The following FTCDNL1 variants were observed in gnomAD, a reference collection of about 807,000 sequenced individuals.
FTCDNL1 encodes formiminotransferase N-terminal subdomain-containing protein.
A neutral mutation model predicts 5.9 loss-of-function variants in FTCDNL1; 11 were observed. The observed-to-expected ratio is 1.87, with a 90% CI of 1.18 to 3.10. The LOEUF (loss-of-function observed/expected upper bound fraction) is 3.10, where lower values mean the gene tolerates loss of function less well. FTCDNL1 is among the 30% of genes most tolerant of loss of function. The pLI is 0.00. For synonymous variants in FTCDNL1, 58 were observed against 24.8 expected, an observed-to-expected ratio of 2.34 and a Z score of -3.99; for missense variants, 115 against 65.5, an observed-to-expected ratio of 1.76 and a Z score of -2.61.
At chr2:199,668,051 G>A in the FTCDNL1 span, among the ~76,000 whole-genome samples, 2 of 152,302 alleles carry the variant, frequency 1.3e-5, no homozygotes, top group East Asian at 3.9e-4. Flanking sequence ...CTTGCTGACA[G>A]CATTAATGAA....
chr2:199,750,722 C>T, the FTCDNL1 span, among the ~76,000 whole-genome samples: 2 of 152,314 alleles, frequency 1.3e-5, no homozygotes, highest in Non-Finnish European at 1.5e-5. Flanking sequence ...TTCCACCGGG[C>T]GGACTCTGTC....
intron 3 of FTCDNL1, among the ~76,000 whole-genome samples, chr2:199,822,753 T>C (rs1424415754): frequency 2.6e-5 from 4 of 152,232 alleles, no homozygotes; most frequent in Admixed American, 2.0e-4. Context: ...ATTTCAACAG[T>C]GTCCACAGCA....
intron 3 of FTCDNL1, among the ~76,000 whole-genome samples, chr2:199,771,439 A>G (rs908209988): frequency 1.7e-4 from 26 of 152,336 alleles, no homozygotes; most frequent in South Asian, 4.1e-4. Context: ...TGCTGATTTA[A>G]ATTAATTTTG....
chr2:199,831,363 G>T (rs1702359925), intron 3 of FTCDNL1, among the ~76,000 whole-genome samples: 1 of 152,040 alleles, frequency 6.6e-6, no homozygotes, highest in Admixed American at 6.6e-5. Flanking sequence ...GCACAAGAGG[G>T]ACTATTCAAG....
At chr2:199,721,499 C>T in the FTCDNL1 span, among the ~76,000 whole-genome samples, 8 of 152,134 alleles carry the variant, frequency 5.3e-5, no homozygotes. Context: ...AGTATACGTG[C>T]CACATTTTCT....
At chr2:199,793,735 A>G (rs952146061) in intron 3 of FTCDNL1, among the ~76,000 whole-genome samples, 7 of 152,218 alleles carry the variant, frequency 4.6e-5, no homozygotes, top group Non-Finnish European at 1.0e-4. Flanking sequence ...CGGCATTGAC[A>G]TCAAGAACTC....
At chr2:199,849,579 G>A (rs2076821550) in intron 1 of FTCDNL1, among the ~76,000 whole-genome samples, 1 of 152,082 alleles carries the variant, frequency 6.6e-6, no homozygotes, top group Non-Finnish European at 1.5e-5. Flanking sequence ...ACAAAATTCT[G>A]TAACTTGAAA....
intron 4 of FTCDNL1, chr2:199,819,225 C>T: frequency 2.7e-5 from 7 of 263,510 alleles, no homozygotes; most frequent in Non-Finnish European, 5.2e-5. Flanking sequence ...CTCCATCACA[C>T]CCTAGGACAC....
intron 1 of FTCDNL1, among the ~76,000 whole-genome samples, 170 bp from the exon 2 acceptor site, chr2:199,849,139 A>G (rs1559256541): frequency 6.6e-6 from 1 of 152,268 alleles, no homozygotes; most frequent in Non-Finnish European, 1.5e-5. Context: ...TGACTAAAAT[A>G]AGAAACCATG....
the FTCDNL1 span, among the ~76,000 whole-genome samples, chr2:199,705,652 C>T: frequency 6.6e-6 from 1 of 152,176 alleles, no homozygotes; most frequent in Admixed American, 6.6e-5. Flanking sequence ...TACTTACTGC[C>T]TTGTTTCCTA....
Position 199,851,148 on chromosome 2 carries a change from T to TCCG in FTCDNL1, c.-419_-417dup, listed in dbSNP as rs1302874085. The TCCG allele has an allele frequency of 7.3e-6, 1 of 137,448 alleles. No homozygotes were observed. Among genetic ancestry groups the TCCG allele is most frequent in the Admixed American group, 7.0e-5 (1 of 14,382 alleles). 8.5% of individuals were successfully genotyped at this position (137,448 alleles called of 1,614,324 possible). A position where few individuals can be genotyped will look rare whatever the true frequency, so the allele number is the denominator to read the frequency against. On this transcript the variant is annotated 5_prime_UTR_variant, in exon 1 of 5. Coordinates refer to ENST00000420128, the MANE Select transcript of FTCDNL1 (RefSeq NM_001363886.2). ...CGCCGCGCGTGGCCCGCGCGCAGCC[T>TCCG]CCGCCGCCGCGCGTGGCCCGCGCGC...
intron 3 of FTCDNL1, among the ~76,000 whole-genome samples, chr2:199,822,129 G>T (rs1254987500): frequency 6.6e-6 from 1 of 152,152 alleles, no homozygotes; most frequent in Non-Finnish European, 1.5e-5. Flanking sequence ...TTGGCCAGGT[G>T]CAGTGCCTCA....
the FTCDNL1 span, among the ~76,000 whole-genome samples, chr2:199,669,504 C>A: frequency 6.6e-6 from 1 of 152,114 alleles, no homozygotes; most frequent in Non-Finnish European, 1.5e-5. Flanking sequence ...TAAGTCCTTG[C>A]TAATTATTTT....
At chr2:199,824,962 A>C (rs2106541126) in intron 3 of FTCDNL1, among the ~76,000 whole-genome samples, 1 of 151,974 alleles carries the variant, frequency 6.6e-6, no homozygotes, top group South Asian at 2.1e-4. Context: ...TCATGGTGAA[A>C]CCCCGTCTTT....
intron 3 of FTCDNL1, among the ~76,000 whole-genome samples, chr2:199,784,117 C>T (rs1275040467): frequency 6.6e-6 from 1 of 152,150 alleles, no homozygotes; most frequent in Non-Finnish European, 1.5e-5. Context: ...ACCTGAACCT[C>T]AGCTTTTTCT....
At chr2:199,705,380 T>C in the FTCDNL1 span, among the ~76,000 whole-genome samples, 1 of 152,196 alleles carries the variant, frequency 6.6e-6, no homozygotes. Flanking sequence ...TTTATCCTAT[T>C]GTAAATTATA....
chr2:199,794,356 G>A (rs1171389268), intron 3 of FTCDNL1, among the ~76,000 whole-genome samples: 1 of 152,156 alleles, frequency 6.6e-6, no homozygotes, highest in African/African-American at 2.4e-5. Flanking sequence ...CTCACTTGAA[G>A]GAATAATGGA....
At chr2:199,681,103 C>T in the FTCDNL1 span, among the ~76,000 whole-genome samples, 1 of 152,174 alleles carries the variant, frequency 6.6e-6, no homozygotes, top group African/African-American at 2.4e-5. Context: ...TAAAGGGTTA[C>T]TTGATAAGTT....
chr2:199,804,297 C>T (rs76292991), downstream of FTCDNL1, among the ~76,000 whole-genome samples: 318 of 152,202 alleles, frequency 2.1e-3, 2 homozygotes, highest in African/African-American at 7.1e-3. Context: ...TAGCGTGGTA[C>T]CCAGAGGTTT....
Sources: gnomAD v4.1 joint callset for allele counts (sites outside exome capture counted in the v4.1 genomes callset) on GRCh38, gnomAD v4.1.1 for gene constraint, MANE v1.5 for transcripts, NCBI Gene and HGNC (gene_info 2026-07-23, HGNC 2026-07-21) for gene names.